Variants in SGCZ observed in about 807,000 individuals in gnomAD.
SGCZ encodes the protein zeta-sarcoglycan.
SGCZ carries 40 observed loss-of-function variants against 41.3 expected under a neutral mutation model. The ratio of observed to expected loss-of-function variants is 0.97; its 90% CI spans 0.75 to 1.26. The LOEUF (loss-of-function observed/expected upper bound fraction) is 1.26. Among genes scored for constraint, SGCZ ranks in the 50% most tolerant of loss-of-function variants. The pLI is 0.00. For missense variants in SGCZ, 552 were observed against 369.8 expected, an observed-to-expected ratio of 1.49 and a Z score of -4.04; for synonymous variants, 206 against 137.5, an observed-to-expected ratio of 1.50 and a Z score of -3.49.
intron 3 of SGCZ, among the ~76,000 whole-genome samples, chr8:14,279,980 G>C (rs17118926): frequency 0.31 from 46,310 of 151,580 alleles, 7,310 homozygotes; most frequent in South Asian, 0.47. Context: ...CAGCTTAGGG[G>C]CTTTGCTAGA....
intron 3 of SGCZ, among the ~76,000 whole-genome samples, chr8:14,256,889 T>C (rs1172981820): frequency 6.6e-6 from 1 of 152,214 alleles, no homozygotes; most frequent in African/African-American, 2.4e-5. Context: ...TTAAATGATA[T>C]ATTCCTCTCA....
rs139269025 is a variant in SGCZ, at chr8:14,624,269, G to A, written c.40-69343C>T. Among the ~76,000 whole-genome samples the A allele has an allele frequency of 4.9e-3, 742 of 152,144 alleles. 7 individuals carry two copies. Among genetic ancestry groups the A allele is most frequent in the African/African-American group, 0.017 (719 of 41,524 alleles). On this transcript the variant is annotated intron_variant, in intron 1 of 7. Coordinates refer to ENST00000382080, the MANE Select transcript of SGCZ (RefSeq NM_139167.4). ...AGGTCCCTCTCTGTTGAAAGCCTTA[G>A]GAATCCCCCAATAACAATGTTTATA...
intron 2 of SGCZ, among the ~76,000 whole-genome samples, chr8:14,359,156 C>G (rs1803411623): frequency 6.6e-6 from 1 of 151,428 alleles, no homozygotes; most frequent in Admixed American, 6.6e-5. Context: ...CAGATTTAAC[C>G]CAAATAAGAG....
chr8:14,164,737 G>A (rs1804156458), intron 4 of SGCZ, 35 bp from the exon 5 acceptor site: 1 of 1,607,326 alleles, frequency 6.2e-7, no homozygotes, highest in Non-Finnish European at 8.5e-7. Context: ...AATGAAACTG[G>A]TATGCAGGAA....
At chr8:15,155,720 A>ATGGT (rs1799310381) in intron 1 of SGCZ, among the ~76,000 whole-genome samples, 1 of 152,200 alleles carries the variant, frequency 6.6e-6, no homozygotes, top group African/African-American at 2.4e-5. Flanking sequence ...TTGAATATAC[A>ATGGT]GTATAAACCT....
intron 2 of SGCZ, among the ~76,000 whole-genome samples, chr8:14,359,516 T>C (rs1803427870): frequency 6.6e-6 from 1 of 151,442 alleles, no homozygotes; most frequent in South Asian, 2.1e-4. Context: ...AAAACTGAAA[T>C]AATATCAAGG....
intron 1 of SGCZ, among the ~76,000 whole-genome samples, chr8:14,890,853 T>C (rs762306484): frequency 6.6e-6 from 1 of 152,218 alleles, no homozygotes; most frequent in Non-Finnish European, 1.5e-5. Flanking sequence ...AATGCTCATT[T>C]ACCATTTCCA....
intron 2 of SGCZ, among the ~76,000 whole-genome samples, chr8:14,483,328 G>C (rs62499730): frequency 0.071 from 10,871 of 152,282 alleles, 500 homozygotes; most frequent in Middle Eastern, 0.11. Context: ...CCAACACTTT[G>C]GGAGGCATAG....
At chr8:14,324,984 T>A in intron 2 of SGCZ, among the ~76,000 whole-genome samples, 1 of 152,166 alleles carries the variant, frequency 6.6e-6, no homozygotes, top group Non-Finnish European at 1.5e-5. Context: ...ATCTCACTAA[T>A]GTATGAGATT....
intron 4 of SGCZ, among the ~76,000 whole-genome samples, chr8:14,173,299 C>G (rs1335837071): frequency 1.3e-5 from 2 of 151,350 alleles, no homozygotes; most frequent in Non-Finnish European, 2.9e-5. Context: ...GCTCCATATG[C>G]TAGAGTTAGC....
At chr8:14,588,224 C>T (rs2117277090) in intron 1 of SGCZ, among the ~76,000 whole-genome samples, 1 of 149,930 alleles carries the variant, frequency 6.7e-6, no homozygotes, top group East Asian at 2.0e-4. Flanking sequence ...CTGCCTCATC[C>T]ATCTGCTAAA....
intron 1 of SGCZ, among the ~76,000 whole-genome samples, chr8:14,714,890 A>G (rs1664307899): frequency 6.6e-6 from 1 of 152,098 alleles, no homozygotes; most frequent in Non-Finnish European, 1.5e-5. Context: ...TCAGAGCTAA[A>G]TTTTAAAATT....
chr8:14,217,799 T>G (rs1806053263), intron 4 of SGCZ, among the ~76,000 whole-genome samples: 1 of 151,570 alleles, frequency 6.6e-6, no homozygotes. Context: ...CCAGCTAATT[T>G]TTTGTATTTT....
chr8:14,245,636 A>G (rs1450597702), intron 3 of SGCZ, among the ~76,000 whole-genome samples: 1 of 152,090 alleles, frequency 6.6e-6, no homozygotes, highest in Non-Finnish European at 1.5e-5. Context: ...AGCAAAAGAA[A>G]CTACCATCAG....
chr8:15,217,637 C>G (rs268334), intron 1 of SGCZ, among the ~76,000 whole-genome samples: 132,331 of 152,106 alleles, frequency 0.87, 57,840 homozygotes, highest in Non-Finnish European at 0.9. Context: ...CGTGCCTTTT[C>G]TTTGTTTTCC....
chr8:14,274,547 G>A (rs1029126565), intron 3 of SGCZ, among the ~76,000 whole-genome samples: 30 of 152,072 alleles, frequency 2.0e-4, no homozygotes, highest in Admixed American at 1.6e-3. Flanking sequence ...GTGCTATAAG[G>A]ATTTAATACA....
At chr8:14,711,007 A>T (rs952408668) in intron 1 of SGCZ, among the ~76,000 whole-genome samples, 2 of 152,166 alleles carry the variant, frequency 1.3e-5, no homozygotes, top group Non-Finnish European at 2.9e-5. Flanking sequence ...TTTTCATAGG[A>T]CGTATGACAT....
intron 1 of SGCZ, among the ~76,000 whole-genome samples, chr8:15,213,099 GA>G (rs966703506): frequency 1.3e-5 from 2 of 151,952 alleles, no homozygotes; most frequent in Non-Finnish European, 2.9e-5. Context: ...GGGAAGGTTG[GA>G]AAACAGATTC....
At chr8:15,050,313 T>C (rs1286994584) in intron 1 of SGCZ, among the ~76,000 whole-genome samples, 2 of 152,152 alleles carry the variant, frequency 1.3e-5, no homozygotes, top group African/African-American at 4.8e-5. Context: ...CATGAACTTG[T>C]AGTTCAGAGG....
Sources: gnomAD v4.1 joint callset for allele counts (sites outside exome capture counted in the v4.1 genomes callset) on GRCh38, gnomAD v4.1.1 for gene constraint, MANE v1.5 for transcripts, NCBI Gene and HGNC (gene_info 2026-07-23, HGNC 2026-07-21) for gene names.